Variants in RALGPS2 observed in about 807,000 individuals in gnomAD.
The protein encoded by RALGPS2 is ras-specific guanine nucleotide-releasing factor RalGPS2.
In RALGPS2, 43 loss-of-function variants were observed where a neutral mutation model predicts 86.8. The ratio of observed to expected loss-of-function variants is 0.50; its 90% CI spans 0.39 to 0.64. The LOEUF (loss-of-function observed/expected upper bound fraction) is 0.64. Among genes scored for constraint, RALGPS2 ranks in the 30% least tolerant of loss-of-function variants. The probability of loss-of-function intolerance (pLI) is 0.00; values close to 1 mark genes in which losing one functional copy is unlikely to be tolerated. For missense variants in RALGPS2, 536 were observed against 694.6 expected (o/e 0.77, Z 2.57); for synonymous variants, 243 against 231.3 (o/e 1.05, Z -0.46).
At chr1:178,751,683 C>T (rs1043747784) in intron 1 of RALGPS2, among the ~76,000 whole-genome samples, 1 of 152,128 alleles carries the variant, frequency 6.6e-6, no homozygotes, top group Non-Finnish European at 1.5e-5. Context: ...TGGGTGGCCT[C>T]CGGAACTTAT....
chr1:178,879,338 G>T (rs556861641), intron 10 of RALGPS2: 2 of 169,326 alleles, frequency 1.2e-5, no homozygotes, highest in East Asian at 1.7e-4. Flanking sequence ...TTTTAAAATA[G>T]AAAAATTACT....
chr1:178,881,999 G>C (rs1659276184), intron 10 of RALGPS2, among the ~76,000 whole-genome samples: 1 of 152,138 alleles, frequency 6.6e-6, no homozygotes, highest in South Asian at 2.1e-4. Flanking sequence ...CATGTCTTTT[G>C]ATCAGGGTGA....
intron 4 of RALGPS2, among the ~76,000 whole-genome samples, chr1:178,786,216 G>A (rs578073138): frequency 1.3e-5 from 2 of 152,106 alleles, no homozygotes; most frequent in South Asian, 4.2e-4. Flanking sequence ...TTACAGGTCA[G>A]CTGTATTTGA....
intron 1 of RALGPS2, among the ~76,000 whole-genome samples, chr1:178,763,167 T>C (rs1269647664): frequency 6.6e-6 from 1 of 152,224 alleles, no homozygotes; most frequent in Non-Finnish European, 1.5e-5. Flanking sequence ...TGTATGGCCT[T>C]ATTTTTGTGC....
chr1:178,853,016 G>C (rs1657286087), intron 8 of RALGPS2: 2 of 1,534,076 alleles, frequency 1.3e-6, no homozygotes, highest in Non-Finnish European at 1.7e-6. Flanking sequence ...CATTTTTACA[G>C]AGCAGTGTTA....
At chr1:178,851,462 T>C in intron 8 of RALGPS2, 1 of 659,812 alleles carries the variant, frequency 1.5e-6, no homozygotes, top group Non-Finnish European at 2.3e-6. Context: ...ATGCCTTCAC[T>C]TACTTGATGG....
At position 178,920,164 on chromosome 1, in the gene RALGPS2, A is replaced by G. The variant is rs1647237944; in HGVS notation, c.*3805A>G. ...ATATTGCTATTTAATCACATTGATG[A>G]TGAATTACTTTCCATGTGAACCTTC... On this transcript the variant is annotated 3_prime_UTR_variant, in exon 20 of 20. Transcript: ENST00000367635. 1 of 152,028 alleles carries G rather than the reference A, an allele frequency of 6.6e-6. No individual in the cohort carries two copies. Among genetic ancestry groups the G allele is most frequent in the East Asian group, 1.9e-4 (1 of 5,200 alleles). 9.4% of individuals were successfully genotyped at this position (152,028 alleles called of 1,614,324 possible).
chr1:178,881,494 G>A (rs536408476), intron 10 of RALGPS2, among the ~76,000 whole-genome samples: 172 of 152,302 alleles, frequency 1.1e-3, no homozygotes, highest in Non-Finnish European at 1.7e-3. Context: ...CTGTTTCCCA[G>A]TTTGGAGGGC....
chr1:178,902,262 A>G (rs1558179318), intron 18 of RALGPS2, 51 bp downstream of exon 18: 2 of 1,361,950 alleles, frequency 1.5e-6, no homozygotes, highest in South Asian at 1.2e-5. Context: ...GTGTTTGTGT[A>G]TATGTATGTA....
rs763541528 is a variant in RALGPS2, at chr1:178,877,460, C to T, written c.608-38C>T. ...TTCTTTGTCATAGTCTCCCAACCTACAACTAAGAAAACGTTCATTTATCTA... is the reference window on the plus strand; with the variant it reads ...TTCTTTGTCATAGTCTCCCAACCTATAACTAAGAAAACGTTCATTTATCTA... On this transcript the variant is annotated intron_variant, in intron 8 of 19. Coordinates refer to ENST00000367635, the MANE Select transcript of RALGPS2 (RefSeq NM_152663.5). The T allele has an allele frequency of 2.5e-6, 4 of 1,608,918 alleles. No individual in the cohort carries two copies. In the African/African-American group the frequency reaches 4.0e-5, roughly 16 times the overall value.
Position 178,851,378 on chromosome 1 carries a change from C to G in RALGPS2, c.607+17828C>G, listed in dbSNP as rs553392414. On this transcript the variant is annotated intron_variant, in intron 8 of 19. Transcript: ENST00000367635. ...TCTTCTAGGTGTGGTACTCTGCAAT[C>G]ATAAAAAACTTATTCTACCTTTAAT... 2.0e-4 allele frequency: 285 copies of G among 1,408,546 alleles called. 1 individual carries two copies. The South Asian group carries it at 4.3e-3, about 21-fold the overall frequency. The allele number at this position is 1,408,546 out of a possible 1,614,324, so 87.3% of individuals were successfully genotyped here.
At chr1:178,886,400 T>C (rs746441692) in intron 13 of RALGPS2, among the ~76,000 whole-genome samples, 1 of 152,090 alleles carries the variant, frequency 6.6e-6, no homozygotes. Context: ...GGAGGAAGAG[T>C]GTGGAGTCAA....
At chr1:178,855,238 G>C (rs1166324201) in intron 8 of RALGPS2, among the ~76,000 whole-genome samples, 1 of 151,484 alleles carries the variant, frequency 6.6e-6, no homozygotes, top group Non-Finnish European at 1.5e-5. Context: ...TATAACAATA[G>C]AAGGGATTCT....
chr1:178,763,360 G>T (rs948395635), intron 1 of RALGPS2, among the ~76,000 whole-genome samples: 5 of 152,190 alleles, frequency 3.3e-5, no homozygotes, highest in Non-Finnish European at 5.9e-5. Context: ...TTTTAAAACA[G>T]TTTTTTCTAA....
chr1:178,725,805 TC>T (rs1193279928), intron 1 of RALGPS2: 1 of 152,298 alleles, frequency 6.6e-6, no homozygotes, highest in African/African-American at 2.4e-5. Flanking sequence ...GCCTCAGTCT[TC>T]CTTCAGGTGA....
intron 4 of RALGPS2, among the ~76,000 whole-genome samples, chr1:178,788,907 C>CT (rs1186625298): frequency 1.2e-5 from 1 of 81,476 alleles, no homozygotes; most frequent in Non-Finnish European, 2.7e-5. Context: ...CTTTCTTCTT[C>CT]TTTTTTCTTT....
chr1:178,844,154 ATTCCTC>A (rs1656752256), intron 8 of RALGPS2, among the ~76,000 whole-genome samples: 1 of 152,170 alleles, frequency 6.6e-6, no homozygotes, highest in Admixed American at 6.5e-5. Context: ...TCATTTAACT[ATTCCTC>A]TTCAAGTATA....
chr1:178,873,430 T>C (rs923406736), intron 8 of RALGPS2, among the ~76,000 whole-genome samples: 1 of 152,182 alleles, frequency 6.6e-6, no homozygotes, highest in Admixed American at 6.6e-5. Context: ...ACTCAGAAGA[T>C]TGGCAAAATT....
chr1:178,782,775 A>G (rs1653457015), intron 2 of RALGPS2, among the ~76,000 whole-genome samples: 1 of 152,140 alleles, frequency 6.6e-6, no homozygotes, highest in Admixed American at 6.5e-5. Flanking sequence ...GGGAAAACCA[A>G]AGACAACAGA....
Sources: allele counts gnomAD v4.1 joint callset (sites outside exome capture counted in the v4.1 genomes callset), GRCh38; gene constraint gnomAD v4.1.1; transcripts MANE v1.5; gene names NCBI Gene and HGNC (gene_info 2026-07-23, HGNC 2026-07-21).